Variants in PDE10A observed in about 807,000 individuals in gnomAD.
The protein encoded by PDE10A is phosphodiesterase 10A, also known as cAMP and cAMP-inhibited cGMP 3',5'-cyclic phosphodiesterase 10A.
A neutral mutation model predicts 97.7 loss-of-function variants in PDE10A; 39 were observed. The observed-to-expected ratio is 0.40, with a 90% CI of 0.31 to 0.52. The LOEUF (loss-of-function observed/expected upper bound fraction) is 0.52, where lower values mean the gene tolerates loss of function less well. Ranked by LOEUF, PDE10A falls within the 20% of genes least tolerant of loss-of-function variation. PDE10A has a pLI of 0.56. For synonymous variants in PDE10A, 371 were observed against 376.8 expected, an observed-to-expected ratio of 0.98 and a Z score of 0.18; for missense variants, 731 against 1,047.8, an observed-to-expected ratio of 0.70 and a Z score of 4.17.
intron 18 of PDE10A, among the ~76,000 whole-genome samples, chr6:165,375,320 T>A (rs1394792133): frequency 1.3e-5 from 2 of 152,166 alleles, no homozygotes; most frequent in Non-Finnish European, 2.9e-5. Context: ...GGGCTACAAG[T>A]GTTCTTGATG....
intron 5 of PDE10A, among the ~76,000 whole-genome samples, chr6:165,448,567 T>C (rs1791033394): frequency 6.6e-6 from 1 of 152,176 alleles, no homozygotes. Context: ...TCTCATTTAA[T>C]TCTACTGTAG....
In PDE10A at chr6:165,386,101, T is replaced by C. The variant is rs190193433; in HGVS notation, c.2610+2197A>G. 5.9e-5 allele frequency among the ~76,000 whole-genome samples: 9 copies of C among 152,278 alleles called. No individual in the cohort carries two copies. In the East Asian group the frequency reaches 1.7e-3, roughly 29 times the overall value. On this transcript the variant is annotated intron_variant, in intron 17 of 21. Transcript: ENST00000539869. Reference sequence around the variant, plus strand: ...TACTGCCATGAGCTCCTGTTACTAGTTCTGATCTGTTTTTAGGAACACCGC... The same window carrying C: ...TACTGCCATGAGCTCCTGTTACTAGCTCTGATCTGTTTTTAGGAACACCGC...
chr6:165,495,036 C>T (rs1242365240), intron 2 of PDE10A, among the ~76,000 whole-genome samples: 1 of 152,158 alleles, frequency 6.6e-6, no homozygotes, highest in African/African-American at 2.4e-5. Flanking sequence ...GGAGTTGAAG[C>T]AGCACATTCA....
intron 1 of PDE10A, among the ~76,000 whole-genome samples, chr6:165,971,750 C>A (rs1456071680): frequency 6.6e-6 from 1 of 152,178 alleles, no homozygotes; most frequent in African/African-American, 2.4e-5. Context: ...GTACTGCAAA[C>A]CACAACCATT....
At chr6:165,386,686 C>T (rs1266717231) in intron 17 of PDE10A, among the ~76,000 whole-genome samples, 1 of 152,038 alleles carries the variant, frequency 6.6e-6, no homozygotes, top group Admixed American at 6.6e-5. Context: ...CATATACACA[C>T]AAGCCTTTTA....
At chr6:165,952,900 T>C (rs565747848) in intron 1 of PDE10A, among the ~76,000 whole-genome samples, 1 of 151,940 alleles carries the variant, frequency 6.6e-6, no homozygotes, top group Admixed American at 6.5e-5. Flanking sequence ...CCAAAAGTAG[T>C]TGTGGTTTTT....
chr6:165,344,519 A>G (rs1782182767), intron 18 of PDE10A, among the ~76,000 whole-genome samples: 1 of 152,162 alleles, frequency 6.6e-6, no homozygotes, highest in South Asian at 2.1e-4. Flanking sequence ...CTAGGTCCAC[A>G]TTCTCCAACT....
At chr6:165,821,696 T>A (rs914516692) in intron 1 of PDE10A, among the ~76,000 whole-genome samples, 1 of 151,916 alleles carries the variant, frequency 6.6e-6, no homozygotes, top group Non-Finnish European at 1.5e-5. Context: ...GTTTTGTGGT[T>A]TTTGTTTGTT....
chr6:165,499,974 C>T (rs1780767888), intron 2 of PDE10A, among the ~76,000 whole-genome samples: 1 of 152,146 alleles, frequency 6.6e-6, no homozygotes, highest in South Asian at 2.1e-4. Context: ...AAAAAGTCTA[C>T]AGGTAGCATC....
rs1006389222 is a variant in PDE10A, at chr6:165,819,860, C to T, written c.-615+167669G>A. Among the ~76,000 whole-genome samples, 2 of 152,218 alleles carry T rather than the reference C, an allele frequency of 1.3e-5. No individual in the cohort carries two copies. Among genetic ancestry groups the T allele is most frequent in the African/African-American group, 4.8e-5 (2 of 41,448 alleles). On this transcript the variant is annotated intron_variant, in intron 1 of 19. Coordinates refer to the PDE10A transcript ENST00000366882. This position sits in a 1 kb window ranked among gnomAD's most constrained non-coding sequence, Gnocchi z 4.2. ...ATGATGGACTGAAATCATCATATTA[C>T]TACATTGTTGAATGTTATTCAGCTC...
At chr6:165,784,620 G>A (rs2128462396) in intron 1 of PDE10A, among the ~76,000 whole-genome samples, 1 of 152,308 alleles carries the variant, frequency 6.6e-6, no homozygotes, top group South Asian at 2.1e-4. Flanking sequence ...TGGACAGCCG[G>A]CATCTCTGAT....
At chr6:165,788,556 GAA>G (rs1157373494) in intron 1 of PDE10A, among the ~76,000 whole-genome samples, 1 of 114,072 alleles carries the variant, frequency 8.8e-6, no homozygotes, top group Non-Finnish European at 1.9e-5. Context: ...AAAAGAAAAA[GAA>G]AAAAAAAAGA....
intron 1 of PDE10A, among the ~76,000 whole-genome samples, chr6:165,626,186 C>T (rs923113156): frequency 6.6e-6 from 1 of 152,158 alleles, no homozygotes. Flanking sequence ...TAGTTCTCTC[C>T]CTCGCATAAG....
chr6:165,828,407 G>C (rs371775927), intron 1 of PDE10A, among the ~76,000 whole-genome samples: 75 of 152,336 alleles, frequency 4.9e-4, no homozygotes, highest in African/African-American at 1.7e-3. Context: ...TGTTGGGACA[G>C]AAGTGTAAGT....
intron 1 of PDE10A, among the ~76,000 whole-genome samples, chr6:165,945,373 T>C (rs1261678459): frequency 6.6e-6 from 1 of 152,212 alleles, no homozygotes; most frequent in African/African-American, 2.4e-5. Flanking sequence ...TCAGAAACTA[T>C]GAGAAACAAT....
At chr6:165,594,245 G>T (rs1786450885) in intron 1 of PDE10A, among the ~76,000 whole-genome samples, 1 of 152,122 alleles carries the variant, frequency 6.6e-6, no homozygotes, top group African/African-American at 2.4e-5. Context: ...TCTGAAATAG[G>T]AACATACAAA....
At chr6:165,656,266 A>T (rs979235504) in intron 1 of PDE10A, among the ~76,000 whole-genome samples, 2,662 of 67,496 alleles carry the variant, frequency 0.039, 42 homozygotes, top group East Asian at 0.15. Context: ...TCTCACACAC[A>T]CACACACACA....
At chr6:165,484,205 T>A (rs750323035) in intron 2 of PDE10A, among the ~76,000 whole-genome samples, 1 of 152,228 alleles carries the variant, frequency 6.6e-6, no homozygotes, top group Non-Finnish European at 1.5e-5. Context: ...TTAGTTGAAC[T>A]CTCTTGCCCA....
chr6:165,676,611 C>A (rs1790802311), intron 1 of PDE10A, among the ~76,000 whole-genome samples: 1 of 151,996 alleles, frequency 6.6e-6, no homozygotes, highest in Non-Finnish European at 1.5e-5. Flanking sequence ...AGGACTTGCA[C>A]CCAGGCCCAT....
Sources: allele counts gnomAD v4.1 joint callset (sites outside exome capture counted in the v4.1 genomes callset), GRCh38; gene constraint gnomAD v4.1.1; non-coding constraint Gnocchi (gnomAD v3.1); transcripts MANE v1.5; gene names NCBI Gene and HGNC (gene_info 2026-07-23, HGNC 2026-07-21).